Variants in DIS3L2 observed in about 807,000 individuals in gnomAD.
The protein encoded by DIS3L2 is DIS3-like exonuclease 2.
DIS3L2 carries 34 observed loss-of-function variants against 97.5 expected under a neutral mutation model. The ratio of observed to expected loss-of-function variants is 0.35; its 90% CI spans 0.27 to 0.46. The LOEUF (loss-of-function observed/expected upper bound fraction) is 0.46, where lower values mean the gene tolerates loss of function less well. DIS3L2 is among the 20% of genes least tolerant of loss of function. The probability of loss-of-function intolerance (pLI) is 1.00; values close to 1 mark genes in which losing one functional copy is unlikely to be tolerated. For missense variants in DIS3L2, 1,038 were observed against 1,146.0 expected (o/e 0.91, Z 1.36); for synonymous variants, 435 against 445.2 (o/e 0.98, Z 0.29).
rs539523654 is a variant in DIS3L2 at position 232,064,929 on chromosome 2, G to A, written c.367-22558G>A. Among the ~76,000 whole-genome samples, 6 of 152,202 alleles carry A rather than the reference G, an allele frequency of 3.9e-5. No homozygotes were observed. In the South Asian group the frequency reaches 1.0e-3, roughly 26 times the overall value. On this transcript the variant is annotated intron_variant, in intron 5 of 20. Transcript: ENST00000325385. ...AGTTCTTTATATAATGTGGACAAAA[G>A]TCCTTTGCTACACAAATTTCTGAAG...
At chr2:232,077,990 TTTCTTTCTTTC>T (rs1696259778) in intron 5 of DIS3L2, among the ~76,000 whole-genome samples, 2 of 143,408 alleles carry the variant, frequency 1.4e-5, no homozygotes, top group African/African-American at 5.3e-5. Flanking sequence ...TCTTTCTTTC[TTTCTTTCTTTC>T]TTTCTTTCTT....
chr2:232,330,592 C>G (rs1228830090), intron 15 of DIS3L2, 98 bp from the exon 16 acceptor site: 2 of 1,319,496 alleles, frequency 1.5e-6, no homozygotes, highest in Non-Finnish European at 2.2e-6. Flanking sequence ...AACTCCTCCC[C>G]CCAGAGCCGG....
chr2:232,324,968 A>T (rs1575019703), intron 14 of DIS3L2, among the ~76,000 whole-genome samples: 1 of 152,164 alleles, frequency 6.6e-6, no homozygotes, highest in Admixed American at 6.5e-5. Flanking sequence ...GCCAGACAGG[A>T]CCTTCCTGGC....
At position 232,143,924 on chromosome 2, in the gene DIS3L2, A is replaced by G. The variant is rs533040351; in HGVS notation, c.950+7205A>G. 3.4e-3 allele frequency among the ~76,000 whole-genome samples: 514 copies of G among 152,150 alleles called. 3 individuals carry two copies. The highest frequency in any genetic ancestry group is 6.9e-3 in the Admixed American group (105 of 15,272). On this transcript the variant is annotated intron_variant, in intron 8 of 20. Transcript: ENST00000325385. ...AATTTACCCATATTTATAACCCTAA[A>G]TGTTATTTTGTTTTGCTTGTTTTTG...
chr2:232,343,508 G>A (rs763025879), exon 14 of DIS3L2: 10 of 1,558,108 alleles, frequency 6.4e-6, no homozygotes, highest in Non-Finnish European at 8.7e-6. Context: ...CAACAGAGCC[G>A]TGTATTGGAA....
chr2:232,221,775 G>A (rs770606302), intron 10 of DIS3L2, among the ~76,000 whole-genome samples: 4 of 151,788 alleles, frequency 2.6e-5, no homozygotes, highest in Non-Finnish European at 5.9e-5. Context: ...TACTCCAGCC[G>A]GGGTGACAAG....
chr2:232,269,167 G>T lies in DIS3L2; in HGVS notation c.1659+5727G>T, dbSNP rs889264681. Among the ~76,000 whole-genome samples, 1 of 152,140 alleles carries T rather than the reference G, an allele frequency of 6.6e-6. No homozygotes were observed. The highest frequency in any genetic ancestry group is 6.5e-5 in the Admixed American group (1 of 15,274). ...GGGACTGCTCATGGCAAAATGTAGC[G>T]CTAAGGAAACTGTGTAGCATTTCTC... On this transcript the variant is annotated intron_variant, in intron 13 of 20. Coordinates refer to ENST00000325385, the MANE Select transcript of DIS3L2 (RefSeq NM_152383.5). This position sits in a 1 kb window ranked among gnomAD's most constrained non-coding sequence, Gnocchi z 4.5.
At chr2:232,290,577 A>G (rs535566252) in intron 13 of DIS3L2, among the ~76,000 whole-genome samples, 5 of 152,108 alleles carry the variant, frequency 3.3e-5, no homozygotes, top group African/African-American at 7.2e-5. Flanking sequence ...CTACAGAGCA[A>G]CCCTCCCTGT....
chr2:232,143,288 A>G (rs183702407), intron 8 of DIS3L2, among the ~76,000 whole-genome samples: 178 of 152,216 alleles, frequency 1.2e-3, no homozygotes, highest in Admixed American at 2.2e-3. Flanking sequence ...GCCCCCACCT[A>G]TCATATGTAG....
intron 9 of DIS3L2, among the ~76,000 whole-genome samples, chr2:232,204,163 A>G (rs999109906): frequency 6.6e-5 from 10 of 152,198 alleles, no homozygotes; most frequent in African/African-American, 2.4e-4. Context: ...ACCAAAATCC[A>G]GTGAGGTGAA....
intron 9 of DIS3L2, among the ~76,000 whole-genome samples, chr2:232,166,700 A>G (rs1361849753): frequency 6.6e-6 from 1 of 151,864 alleles, no homozygotes; most frequent in Non-Finnish European, 1.5e-5. Flanking sequence ...TGGCGACAGA[A>G]CGAGACTCCA....
At chr2:232,005,719 C>T (rs987711024) in intron 1 of DIS3L2, among the ~76,000 whole-genome samples, 5 of 152,064 alleles carry the variant, frequency 3.3e-5, no homozygotes, top group African/African-American at 1.2e-4. Context: ...AATTGTTAAC[C>T]CAATTTGTTT....
chr2:232,063,796 T>G (rs1695779053), intron 5 of DIS3L2, among the ~76,000 whole-genome samples: 1 of 152,250 alleles, frequency 6.6e-6, no homozygotes. Context: ...ACTAGCGATG[T>G]GGTTTTCGAA....
intron 5 of DIS3L2, among the ~76,000 whole-genome samples, chr2:232,073,431 G>T (rs1559597993): frequency 6.6e-6 from 1 of 152,112 alleles, no homozygotes; most frequent in Non-Finnish European, 1.5e-5. Flanking sequence ...GGGTATATGT[G>T]AATCTTTTGG....
intron 1 of DIS3L2, among the ~76,000 whole-genome samples, chr2:231,986,537 C>T (rs1355768470): frequency 6.6e-6 from 1 of 152,186 alleles, no homozygotes; most frequent in Non-Finnish European, 1.5e-5. Flanking sequence ...CCTTTACCTC[C>T]TTTAATCTGG....
chr2:232,006,636 A>C (rs929235215), intron 1 of DIS3L2, among the ~76,000 whole-genome samples: 1 of 152,136 alleles, frequency 6.6e-6, no homozygotes, highest in African/African-American at 2.4e-5. Context: ...GCAGAGCTGG[A>C]GATGAAAATT....
rs925301690 is a variant in DIS3L2, at chr2:232,325,478, C to T, written c.1740-4335C>T. Among the ~76,000 whole-genome samples, 3 of 152,190 alleles carry T rather than the reference C, an allele frequency of 2.0e-5. No homozygotes were observed. The highest frequency in any genetic ancestry group is 7.2e-5 in the African/African-American group (3 of 41,436). ...TGTGAGGGGCTCGCTGAGCCTCATA[C>T]CTGAGCCTCCCCCTCCCCACCCCCT... On this transcript the variant is annotated intron_variant, in intron 14 of 20. Coordinates refer to ENST00000325385, the MANE Select transcript of DIS3L2 (RefSeq NM_152383.5). The surrounding 1 kb of genome is among the most constrained non-coding windows in gnomAD (Gnocchi z 4.6).
At chr2:232,028,572 A>G (rs1054770774) in intron 4 of DIS3L2, among the ~76,000 whole-genome samples, 3 of 152,160 alleles carry the variant, frequency 2.0e-5, no homozygotes, top group South Asian at 2.1e-4. Flanking sequence ...GGGTGGTTGT[A>G]TCTGCTTATA....
chr2:232,281,126 C>T lies in DIS3L2; in HGVS notation c.1659+17686C>T, dbSNP rs1449555604. 6.6e-6 allele frequency among the ~76,000 whole-genome samples: 1 copy of T among 152,172 alleles called. No individual in the cohort carries two copies. The highest frequency in any genetic ancestry group is 2.4e-5 in the African/African-American group (1 of 41,444). On this transcript the variant is annotated intron_variant, in intron 13 of 20. Coordinates refer to ENST00000325385, the MANE Select transcript of DIS3L2 (RefSeq NM_152383.5). This position sits in a 1 kb window ranked among gnomAD's most constrained non-coding sequence, Gnocchi z 4.1. Reference sequence around the variant, plus strand: ...TGAAATATGAGTGTTTTCGGCTGGGCACGGTGGCTCACACCTATAACCCAG... The same window carrying T: ...TGAAATATGAGTGTTTTCGGCTGGGTACGGTGGCTCACACCTATAACCCAG...
Sources: gnomAD v4.1 joint callset for allele counts (sites outside exome capture counted in the v4.1 genomes callset) on GRCh38, gnomAD v4.1.1 for gene constraint, Gnocchi (gnomAD v3.1) non-coding constraint, MANE v1.5 for transcripts, NCBI Gene and HGNC (gene_info 2026-07-23, HGNC 2026-07-21) for gene names.